CMTM7: variants seen among roughly 807,000 people sequenced by gnomAD.
CMTM7 encodes the protein CKLF like MARVEL transmembrane domain containing 7, also known as CKLF-like MARVEL transmembrane domain-containing protein 7.
In CMTM7, 7 loss-of-function variants were observed where a neutral mutation model predicts 19.3. That is an observed-to-expected ratio of 0.36 (90% CI 0.21 to 0.68). CMTM7 has a LOEUF of 0.68. Among genes scored for constraint, CMTM7 ranks in the 30% least tolerant of loss-of-function variants. CMTM7 has a pLI of 0.60. For synonymous variants in CMTM7, 87 were observed against 99.3 expected (o/e 0.88, Z 0.74); for missense variants, 193 against 232.6 (o/e 0.83, Z 1.11).
chr3:32,414,314 C>G (rs1003427729), intron 1 of CMTM7, among the ~76,000 whole-genome samples: 2 of 152,182 alleles, frequency 1.3e-5, no homozygotes, highest in African/African-American at 4.8e-5. Flanking sequence ...CCTTCTTTAC[C>G]GCTGTATTTC....
At chr3:32,407,360 C>G (rs1696104748) in intron 1 of CMTM7, among the ~76,000 whole-genome samples, 1 of 151,964 alleles carries the variant, frequency 6.6e-6, no homozygotes, top group African/African-American at 2.4e-5. Context: ...TCATTTGAAA[C>G]AAGGGAAGGG....
chr3:32,450,130 G>C lies in CMTM7; in HGVS notation c.432+578G>C, dbSNP rs550751328. Among the ~76,000 whole-genome samples the C allele has an allele frequency of 3.3e-5, 5 of 152,204 alleles. No individual in the cohort carries two copies. The East Asian group carries it at 5.8e-4, about 18-fold the overall frequency. ...ATACATATATATGTATATACATACA[G>C]ATGTATATGCTATTTTTTTAAAGAT... On this transcript the variant is annotated intron_variant, in intron 3 of 4. Transcript: ENST00000334983.
chr3:32,452,276 G>A (rs536058220), intron 3 of CMTM7, 116 bp from the exon 4 acceptor site: 2 of 1,588,938 alleles, frequency 1.3e-6, no homozygotes, highest in African/African-American at 2.7e-5. Flanking sequence ...GACTCTCCAA[G>A]CTCCTTTCTG....
At chr3:32,394,199 TCTC>T (rs1695881905) in intron 1 of CMTM7, among the ~76,000 whole-genome samples, 3 of 152,132 alleles carry the variant, frequency 2.0e-5, no homozygotes, top group South Asian at 2.1e-4. Context: ...TTTTCCCACT[TCTC>T]CTCTTTTCTA....
chr3:32,452,239 A>C (rs1171549448), intron 3 of CMTM7, 153 bp from the exon 4 acceptor site: 1 of 1,537,538 alleles, frequency 6.5e-7, no homozygotes, highest in East Asian at 2.4e-5. Context: ...TCTGCACCTG[A>C]TCCAGGATGA....
chr3:32,402,618 A>C (rs1421209931), intron 1 of CMTM7, among the ~76,000 whole-genome samples: 1 of 152,134 alleles, frequency 6.6e-6, no homozygotes, highest in Admixed American at 6.5e-5. Flanking sequence ...GCTGGAGTGC[A>C]GTGGCATGAT....
intron 1 of CMTM7, among the ~76,000 whole-genome samples, chr3:32,441,126 G>A (rs1696669858): frequency 2.0e-5 from 3 of 152,170 alleles, no homozygotes; most frequent in Non-Finnish European, 4.4e-5. Context: ...TATGATCAGA[G>A]CTTACACTTT....
intron 1 of CMTM7, among the ~76,000 whole-genome samples, chr3:32,402,690 C>A (rs1696028638): frequency 6.6e-6 from 1 of 152,138 alleles, no homozygotes; most frequent in Non-Finnish European, 1.5e-5. Context: ...CCTCAGCCTC[C>A]CAAGTAGCTG....
intron 1 of CMTM7, among the ~76,000 whole-genome samples, chr3:32,421,662 C>T (rs1195546720): frequency 6.6e-6 from 1 of 152,206 alleles, no homozygotes; most frequent in Non-Finnish European, 1.5e-5. Flanking sequence ...CCCTTTAGGA[C>T]AGGGTCCGTG....
intron 1 of CMTM7, among the ~76,000 whole-genome samples, chr3:32,426,673 A>G (rs1696438146): frequency 6.6e-6 from 1 of 152,202 alleles, no homozygotes; most frequent in Non-Finnish European, 1.5e-5. Context: ...TAATTTATCT[A>G]ATTAACAAGT....
rs1313694794 is a variant in CMTM7 at position 32,441,889 on chromosome 3, A to G, written c.209A>G (p.Asn70Ser). The part of the protein sequence containing the change: ...FICVRSSLWT[N>S]YSAYSYFEVV... ...TGTGTGCGGAGCTCCCTGTGGACCA[A>G]CTACAGCGCCTACAGCTACTTTGAA... The change falls in exon 2 of 5, where the codon AAC becomes AGC. Residue 70 changes from asparagine (N) to serine (S), a missense_variant. By Grantham distance (46) the Asn-to-Ser change is conservative. Coordinates refer to ENST00000334983, the MANE Select transcript of CMTM7 (RefSeq NM_138410.4). 1 of 1,614,154 alleles carries G rather than the reference A, an allele frequency of 6.2e-7. No homozygotes were observed. The highest frequency in any genetic ancestry group is 8.5e-7 in the Non-Finnish European group (1 of 1,180,032).
At chr3:32,424,899 G>A (rs906556615) in intron 1 of CMTM7, among the ~76,000 whole-genome samples, 26 of 152,298 alleles carry the variant, frequency 1.7e-4, no homozygotes, top group African/African-American at 6.0e-4. Flanking sequence ...GTCCACCTCG[G>A]CCTCCCAAAG....
intron 1 of CMTM7, among the ~76,000 whole-genome samples, chr3:32,419,020 C>T (rs1002158829): frequency 2.6e-5 from 4 of 152,174 alleles, no homozygotes; most frequent in Non-Finnish European, 4.4e-5. Context: ...TTAATAATAT[C>T]TATGAACACG....
intron 3 of CMTM7, chr3:32,451,355 A>T (rs1019736262): frequency 9.2e-5 from 14 of 152,404 alleles, no homozygotes; most frequent in African/African-American, 3.4e-4. Flanking sequence ...GGGTCTGAGA[A>T]CACCTAGGCA....
At position 32,441,915 on chromosome 3, in the gene CMTM7, G is replaced by A; in HGVS notation, c.235G>A (p.Val79Met). 1.2e-6 allele frequency: 2 copies of A among 1,614,190 alleles called. No individual in the cohort carries two copies. The highest frequency in any genetic ancestry group is 1.7e-6 in the Non-Finnish European group (2 of 1,180,034). The change falls in exon 2 of 5, where the codon GTG becomes ATG. Residue 79 changes from valine (V) to methionine (M), a missense_variant. Val to Met is a conservative substitution (Grantham distance 21). Transcript: ENST00000334983. ...TNYSAYSYFEVVTICDLIMIL... is the reference protein window; with the variant it reads ...TNYSAYSYFEMVTICDLIMIL... Reference sequence around the variant, plus strand: ...CTACAGCGCCTACAGCTACTTTGAAGTGGTCACCATTTGCGACTTGATAAT... The same window carrying A: ...CTACAGCGCCTACAGCTACTTTGAAATGGTCACCATTTGCGACTTGATAAT...
rs549733233 is a variant in CMTM7 at position 32,440,593 on chromosome 3, C to T, written c.160-1247C>T. ...AGGAGTTTGAAACCAGCCTGGGCCA[C>T]ATGGCAAAACCCCGTCTCTACTACA... is the stretch of plus-strand genomic sequence containing the variant. On this transcript the variant is annotated intron_variant, in intron 1 of 4. Coordinates refer to ENST00000334983, the MANE Select transcript of CMTM7 (RefSeq NM_138410.4). Among the ~76,000 whole-genome samples, 101 of 152,332 alleles carry T rather than the reference C, an allele frequency of 6.6e-4. 1 individual carries two copies. Among genetic ancestry groups the T allele is most frequent in the African/African-American group, 2.3e-3 (95 of 41,576 alleles).
intron 1 of CMTM7, among the ~76,000 whole-genome samples, chr3:32,395,912 T>C (rs1328927452): frequency 2.6e-5 from 4 of 151,956 alleles, no homozygotes; most frequent in Admixed American, 2.6e-4. Context: ...AAACAGCAAC[T>C]AAAACTAAGT....
chr3:32,443,576 A>G (rs144035932), intron 2 of CMTM7, among the ~76,000 whole-genome samples: 3 of 152,250 alleles, frequency 2.0e-5, no homozygotes, highest in Non-Finnish European at 2.9e-5. Context: ...TTTCTCTGGT[A>G]TGTATCTAGG....
intron 1 of CMTM7, among the ~76,000 whole-genome samples, chr3:32,416,368 T>TA (rs1559405700): frequency 1.5e-5 from 1 of 68,758 alleles, no homozygotes; most frequent in African/African-American, 6.8e-5. Flanking sequence ...CTAATTTTTT[T>TA]TTTTTTTTTT....
Sources: gnomAD v4.1 joint callset for allele counts (sites outside exome capture counted in the v4.1 genomes callset) on GRCh38, gnomAD v4.1.1 for gene constraint, MANE v1.5 for transcripts, NCBI Gene and HGNC (gene_info 2026-07-23, HGNC 2026-07-21) for gene names.